PLCB1: variants seen among roughly 807,000 people sequenced by gnomAD.
PLCB1 encodes the protein phospholipase C beta 1, also known as 1-phosphatidylinositol 4,5-bisphosphate phosphodiesterase beta-1.
In PLCB1, 46 loss-of-function variants were observed where a neutral mutation model predicts 161.8. The ratio of observed to expected loss-of-function variants is 0.28; its 90% CI spans 0.22 to 0.36. The LOEUF (loss-of-function observed/expected upper bound fraction) is 0.36, where lower values mean the gene tolerates loss of function less well. PLCB1 is among the 10% of genes least tolerant of loss of function. The probability of loss-of-function intolerance (pLI) is 1.00; values close to 1 mark genes in which losing one functional copy is unlikely to be tolerated. For missense variants in PLCB1, 1,016 were observed against 1,472.5 expected (o/e 0.69, Z 5.07); for synonymous variants, 517 against 503.7 (o/e 1.03, Z -0.35).
chr20:8,443,114 G>A (rs1439490652), intron 3 of PLCB1, among the ~76,000 whole-genome samples: 2 of 151,826 alleles, frequency 1.3e-5, no homozygotes, highest in East Asian at 3.9e-4. Flanking sequence ...CGAGTAGCTG[G>A]GACCACAGGT....
intron 31 of PLCB1, among the ~76,000 whole-genome samples, chr20:8,803,431 A>ATT (rs11404680): frequency 0.24 from 33,609 of 138,272 alleles, 5,033 homozygotes; most frequent in Non-Finnish European, 0.32. Context: ...TGGGCCTTTG[A>ATT]TTTTTTTTTT....
chr20:8,189,288 G>A (rs938617521), intron 2 of PLCB1, among the ~76,000 whole-genome samples: 2 of 150,304 alleles, frequency 1.3e-5, no homozygotes, highest in Non-Finnish European at 3.0e-5. Context: ...GTGAGATAGT[G>A]GATATGATAA....
intron 3 of PLCB1, among the ~76,000 whole-genome samples, chr20:8,400,628 G>T (rs944999943): frequency 6.6e-6 from 1 of 152,132 alleles, no homozygotes; most frequent in Non-Finnish European, 1.5e-5. Flanking sequence ...ACCTGTAAAT[G>T]ATGACATGCT....
At chr20:8,384,707 G>T (rs867464839) in intron 3 of PLCB1, among the ~76,000 whole-genome samples, 2 of 152,144 alleles carry the variant, frequency 1.3e-5, no homozygotes, top group Non-Finnish European at 2.9e-5. Flanking sequence ...TGGAGTATTT[G>T]TGGGGATTTT....
intron 2 of PLCB1, among the ~76,000 whole-genome samples, chr20:8,303,872 A>C (rs2123324685): frequency 6.6e-6 from 1 of 152,314 alleles, no homozygotes; most frequent in African/African-American, 2.4e-5. Context: ...CAAAGCAAAC[A>C]CCAGCTCCTG....
At chr20:8,769,531 G>A (rs1190665088) in intron 26 of PLCB1, among the ~76,000 whole-genome samples, 3 of 152,152 alleles carry the variant, frequency 2.0e-5, no homozygotes, top group Admixed American at 1.3e-4. Context: ...CTAACCAATG[G>A]ACAACGTATT....
chr20:8,490,105 C>T (rs1014684361), intron 3 of PLCB1, among the ~76,000 whole-genome samples: 3 of 152,154 alleles, frequency 2.0e-5, no homozygotes, highest in African/African-American at 7.2e-5. Context: ...ATTTGCTACC[C>T]TCTTAGCTGT....
intron 3 of PLCB1, among the ~76,000 whole-genome samples, chr20:8,601,575 A>G (rs991218984): frequency 9.2e-5 from 14 of 152,214 alleles, no homozygotes; most frequent in Admixed American, 6.5e-5. Context: ...AAAAGCTAAC[A>G]TTTCTTGAGC....
chr20:8,779,898 C>T (rs1297049658), intron 27 of PLCB1, among the ~76,000 whole-genome samples: 1 of 152,126 alleles, frequency 6.6e-6, no homozygotes, highest in Admixed American at 6.5e-5. Flanking sequence ...CCTGTGGTTC[C>T]CTCCCTACAT....
At chr20:8,562,931 T>G (rs969880933) in intron 3 of PLCB1, among the ~76,000 whole-genome samples, 1 of 152,044 alleles carries the variant, frequency 6.6e-6, no homozygotes, top group Non-Finnish European at 1.5e-5. Flanking sequence ...CACACTCACT[T>G]TTTTTATGAA....
chr20:8,632,022 TGG>T (rs1416618482), intron 4 of PLCB1, among the ~76,000 whole-genome samples: 2 of 128,362 alleles, frequency 1.6e-5, no homozygotes, highest in Non-Finnish European at 3.2e-5. Flanking sequence ...GAGACAAATA[TGG>T]GTTTTTTTTG....
At chr20:8,783,239 CTTAAT>C (rs1346861646) in intron 27 of PLCB1, among the ~76,000 whole-genome samples, 2 of 152,200 alleles carry the variant, frequency 1.3e-5, no homozygotes, top group Non-Finnish European at 2.9e-5. Flanking sequence ...CACATACCTT[CTTAAT>C]TTATTTCCTA....
At chr20:8,813,672 T>G (rs1984942251) in intron 31 of PLCB1, among the ~76,000 whole-genome samples, 1 of 151,822 alleles carries the variant, frequency 6.6e-6, no homozygotes, top group African/African-American at 2.4e-5. Flanking sequence ...TCTAAAAAAA[T>G]TTTAAAAAAT....
At position 8,255,452 on chromosome 20, in the gene PLCB1, T is replaced by A. The variant is rs183859632; in HGVS notation, c.177+105081T>A. 4.3e-3 allele frequency among the ~76,000 whole-genome samples: 658 copies of A among 152,206 alleles called. 4 individuals carry two copies. Among genetic ancestry groups the A allele is most frequent in the African/African-American group, 0.015 (639 of 41,574 alleles). On this transcript the variant is annotated intron_variant, in intron 2 of 31. Transcript: ENST00000338037. ...TGCCCTAATCCTTATTTAAGATTTT[T>A]AAAGAATGTTATAGTTGTCCTTCAG...
At chr20:8,718,796 A>G (rs756970453) in intron 14 of PLCB1, among the ~76,000 whole-genome samples, 7 of 152,218 alleles carry the variant, frequency 4.6e-5, no homozygotes, top group Admixed American at 1.3e-4. Context: ...CAGAGTGACC[A>G]TATGACTTTA....
chr20:8,566,638 A>G (rs1449334092), intron 3 of PLCB1, among the ~76,000 whole-genome samples: 1 of 152,062 alleles, frequency 6.6e-6, no homozygotes, highest in Non-Finnish European at 1.5e-5. Flanking sequence ...TAATAAATAG[A>G]TATTATTGAA....
intron 3 of PLCB1, among the ~76,000 whole-genome samples, chr20:8,474,642 G>C (rs1434069540): frequency 6.6e-6 from 1 of 152,044 alleles, no homozygotes; most frequent in Non-Finnish European, 1.5e-5. Context: ...TTTCAGGCTT[G>C]GCATTCATGC....
At chr20:8,842,551 C>G (rs754186665) in intron 31 of PLCB1, among the ~76,000 whole-genome samples, 1 of 152,174 alleles carries the variant, frequency 6.6e-6, no homozygotes, top group Non-Finnish European at 1.5e-5. Context: ...AAGAACCCCT[C>G]AGACACCGAG....
intron 2 of PLCB1, among the ~76,000 whole-genome samples, chr20:8,370,606 A>C (rs1349370089): frequency 6.6e-6 from 1 of 152,088 alleles, no homozygotes; most frequent in Non-Finnish European, 1.5e-5. Flanking sequence ...AACTGGGAGG[A>C]ACCCCTCCCC....
Sources: gnomAD v4.1 joint callset for allele counts (sites outside exome capture counted in the v4.1 genomes callset) on GRCh38, gnomAD v4.1.1 for gene constraint, MANE v1.5 for transcripts, NCBI Gene and HGNC (gene_info 2026-07-23, HGNC 2026-07-21) for gene names.